Variants in KLHL13 observed in about 807,000 individuals in gnomAD.
KLHL13 encodes the protein kelch-like protein 13.
KLHL13 carries 10 observed loss-of-function variants against 37.1 expected under a neutral mutation model. The observed-to-expected ratio is 0.27, with a 90% CI of 0.17 to 0.46. The LOEUF (loss-of-function observed/expected upper bound fraction) is 0.46. Ranked by LOEUF, KLHL13 falls within the 20% of genes least tolerant of loss-of-function variation. The pLI, the probability that KLHL13 is intolerant of heterozygous loss-of-function variation, is 1.00. For missense variants in KLHL13, 360 were observed against 509.3 expected (o/e 0.71, Z 2.82); for synonymous variants, 163 against 181.2 (o/e 0.90, Z 0.81).
chrX:117,994,907 A>T (rs2053837570), intron 1 of KLHL13, among the ~76,000 whole-genome samples: 1 of 111,289 alleles, frequency 9.0e-6, no homozygotes, highest in African/African-American at 3.3e-5. Flanking sequence ...AATAAAAAAT[A>T]AAAATAGCAA....
chrX:117,968,439 A>G (rs140517266), intron 1 of KLHL13, among the ~76,000 whole-genome samples: 138 of 112,043 alleles, frequency 1.2e-3, no homozygotes, highest in African/African-American at 4.4e-3. Context: ...CCATTAATAA[A>G]TGACAACCTA....
chrX:117,986,884 A>G (rs1367960585), intron 1 of KLHL13, among the ~76,000 whole-genome samples: 1 of 111,960 alleles, frequency 8.9e-6, no homozygotes, highest in Non-Finnish European at 1.9e-5. Context: ...CCACAAAATA[A>G]AAGAGGATGG....
exon 7 of KLHL13, chrX:117,898,811 G>A: frequency 1.1e-6 from 1 of 912,383 alleles, no homozygotes; most frequent in East Asian, 3.1e-5. Context: ...TTACCAGAGG[G>A]TAATCCTAAC....
intron 2 of KLHL13, among the ~76,000 whole-genome samples, chrX:117,940,341 G>A (rs1193371696): frequency 9.0e-6 from 1 of 111,577 alleles, no homozygotes; most frequent in Non-Finnish European, 1.9e-5. Flanking sequence ...TTTGGTTACT[G>A]TAGCCTTGTA....
exon 7 of KLHL13, chrX:117,898,951 G>A (rs1569407267): frequency 3.3e-6 from 4 of 1,210,078 alleles, no homozygotes; most frequent in Non-Finnish European, 4.5e-6. Flanking sequence ...TGATGGTGTG[G>A]TTTCTTCTGG....
chrX:118,049,981 T>C (rs991070682), intron 1 of KLHL13, among the ~76,000 whole-genome samples: 1 of 112,832 alleles, frequency 8.9e-6, no homozygotes, highest in African/African-American at 3.2e-5. Context: ...GTACTTCATG[T>C]TGGCTATAGG....
chrX:118,043,270 A>T (rs72607609), intron 1 of KLHL13, among the ~76,000 whole-genome samples: 1 of 111,940 alleles, frequency 8.9e-6, no homozygotes, highest in East Asian at 2.8e-4. Context: ...AGGAAAGTAC[A>T]GGATCAGATG....
chrX:118,014,667 G>A (rs1255135465), intron 1 of KLHL13, among the ~76,000 whole-genome samples: 1 of 112,395 alleles, frequency 8.9e-6, no homozygotes, highest in East Asian at 2.8e-4. Flanking sequence ...GACGATATGT[G>A]ACTTCGCCTC....
At chrX:118,058,481 G>A (rs769049321) in intron 1 of KLHL13, among the ~76,000 whole-genome samples, 2 of 111,381 alleles carry the variant, frequency 1.8e-5, no homozygotes, top group South Asian at 3.8e-4. Flanking sequence ...CATGGCTAGC[G>A]TCTTGATCTT....
At chrX:118,099,879 AAAGG>A (rs1229543817) in intron 1 of KLHL13, among the ~76,000 whole-genome samples, 1 of 95,522 alleles carries the variant, frequency 1.0e-5, no homozygotes, top group African/African-American at 4.9e-5. Flanking sequence ...AGGAAAGAAG[AAAGG>A]AAGGAAGGAA....
chrX:117,925,209 G>A (rs182547523), intron 2 of KLHL13, among the ~76,000 whole-genome samples: 384 of 111,385 alleles, frequency 3.4e-3, no homozygotes, highest in African/African-American at 0.011. Flanking sequence ...ATGCTATTGT[G>A]AAAAAAAGCT....
At chrX:118,075,286 T>A (rs1051724625) in intron 1 of KLHL13, among the ~76,000 whole-genome samples, 28 of 111,355 alleles carry the variant, frequency 2.5e-4, no homozygotes, top group African/African-American at 7.5e-4. Context: ...ACTGAAGGGT[T>A]TATGTGTAAC....
intron 2 of KLHL13, among the ~76,000 whole-genome samples, chrX:117,929,778 C>CAAAAAA (rs761687127): frequency 2.4e-4 from 6 of 25,034 alleles, no homozygotes; most frequent in African/African-American, 5.2e-4. Flanking sequence ...ATCGTCTCTA[C>CAAAAAA]AAAAAAAAAA....
intron 4 of KLHL13, among the ~76,000 whole-genome samples, chrX:117,915,374 C>A (rs769117966): frequency 7.0e-4 from 77 of 110,634 alleles, no homozygotes; most frequent in Non-Finnish European, 1.3e-3. Context: ...TGTCTCCTTC[C>A]CACTTATGTA....
chrX:118,008,386 C>T (rs1391226270), intron 1 of KLHL13, among the ~76,000 whole-genome samples: 2 of 111,917 alleles, frequency 1.8e-5, no homozygotes, highest in African/African-American at 6.5e-5. Flanking sequence ...CTAGCTTGGC[C>T]TTAGGGTAAA....
intron 2 of KLHL13, among the ~76,000 whole-genome samples, chrX:117,944,339 A>C (rs2147798521): frequency 9.0e-6 from 1 of 111,542 alleles, no homozygotes. Context: ...TGAACCTTAG[A>C]TAGACCCCAG....
chrX:118,092,981 GA>G (rs2055155359), intron 1 of KLHL13, among the ~76,000 whole-genome samples: 1 of 111,043 alleles, frequency 9.0e-6, no homozygotes, highest in Non-Finnish European at 1.9e-5. Flanking sequence ...TCCTAATAGT[GA>G]AAAAATTTTA....
rs199761856 is a variant in KLHL13, at chrX:118,099,184, T to C, written c.-56+17324A>G. On this transcript the variant is annotated intron_variant, in intron 1 of 6. Coordinates refer to the KLHL13 transcript ENST00000371882. Reference sequence around the variant, plus strand: ...AGAAGGGTACATAAGGTTAACTTTATATTATTTTCAAGTACAAAGATATTA... The same window carrying C: ...AGAAGGGTACATAAGGTTAACTTTACATTATTTTCAAGTACAAAGATATTA... Among the ~76,000 whole-genome samples the C allele has an allele frequency of 2.1e-4, 23 of 111,584 alleles. 1 individual carries two copies. In the East Asian group the frequency reaches 6.2e-3, roughly 30 times the overall value.
At chrX:118,034,814 GA>G (rs1198457978) in intron 1 of KLHL13, among the ~76,000 whole-genome samples, 1 of 67,125 alleles carries the variant, frequency 1.5e-5, no homozygotes, top group Non-Finnish European at 2.5e-5. Flanking sequence ...CTGGTTTTTT[GA>G]AAGGATCAAC....
Sources: gnomAD v4.1 joint callset for allele counts (sites outside exome capture counted in the v4.1 genomes callset) on GRCh38, gnomAD v4.1.1 for gene constraint, MANE v1.5 for transcripts, NCBI Gene and HGNC (gene_info 2026-07-23, HGNC 2026-07-21) for gene names.